FASTKD2: variants seen among roughly 807,000 people sequenced by gnomAD.
The protein encoded by FASTKD2 is FAST kinase domain-containing protein 2, mitochondrial.
Under a neutral mutation model 63.6 loss-of-function variants are expected in FASTKD2, and 51 were observed. The ratio of observed to expected loss-of-function variants is 0.80; its 90% confidence interval spans 0.64 to 1.01. The LOEUF (loss-of-function observed/expected upper bound fraction) is 1.01, where lower values mean the gene tolerates loss of function less well. Among genes scored for constraint, FASTKD2 ranks in the 50% least tolerant of loss-of-function variants. The pLI is 0.00. For missense variants in FASTKD2, 786 were observed against 831.1 expected, an observed-to-expected ratio of 0.95 and a Z score of 0.67; for synonymous variants, 284 against 293.4, an observed-to-expected ratio of 0.97 and a Z score of 0.33.
Position 206,786,877 on chromosome 2 carries a change from C to T in FASTKD2, c.1572C>T (p.Ile524=), listed in dbSNP as rs1479408918. ...TTAATCAGCTTCTGCAAAAAGACAT[C>T]ATCAGTGAGCTGCTGACATCAGGTA... is the stretch of plus-strand genomic sequence containing the variant. ...APFNQLLQKD[I]ISELLTSDDM... The change falls in exon 8 of 12, where the codon ATC becomes ATT. Residue 524 remains isoleucine, a synonymous_variant. Coordinates refer to ENST00000402774, the MANE Select transcript of FASTKD2 (RefSeq NM_001136193.2). 1 of 1,603,524 alleles carries T rather than the reference C, an allele frequency of 6.2e-7. No homozygotes were observed.
rs775077533 is a variant in FASTKD2 at position 206,767,237 on chromosome 2, A to C, written c.544A>C (p.Ser182Arg). Residue 182 changes from serine to arginine, a missense_variant, in exon 2 of 12, where the codon AGC (serine) becomes CGC (arginine). Transcript: ENST00000402774. ...TTCAAAAGCGCCCACATTTCCTAGTAGCAACTATTTCACAGCAATGTGGAC... is the reference window on the plus strand; with the variant it reads ...TTCAAAAGCGCCCACATTTCCTAGTCGCAACTATTTCACAGCAATGTGGAC... The part of the protein sequence containing the change: ...AFSKAPTFPS[S>R]NYFTAMWTIA... 6.2e-7 allele frequency: 1 copy of C among 1,614,236 alleles called. No individual in the cohort carries two copies. Among genetic ancestry groups the C allele is most frequent in the Admixed American group, 1.7e-5 (1 of 60,032 alleles).
intron 8 of FASTKD2, 69 bp from the exon 9 acceptor site, chr2:206,787,868 A>G (rs892102824): frequency 1.3e-6 from 1 of 747,126 alleles, no homozygotes; most frequent in Non-Finnish European, 2.3e-6. Flanking sequence ...TACTAAATAT[A>G]TACTAATATA....
At chr2:206,791,405 T>C in intron 11 of FASTKD2, 1 of 389,838 alleles carries the variant, frequency 2.6e-6, no homozygotes, top group Admixed American at 4.3e-5. Context: ...TTGTTTTTTA[T>C]ATTGCTGATT....
intron 9 of FASTKD2, among the ~76,000 whole-genome samples, chr2:206,788,476 G>A (rs148153931): frequency 2.0e-5 from 3 of 152,186 alleles, no homozygotes; most frequent in African/African-American, 4.8e-5. Context: ...GCACACGCCT[G>A]TAATCCTAGC....
intron 2 of FASTKD2, among the ~76,000 whole-genome samples, chr2:206,768,527 T>TC (rs1689585075): frequency 6.6e-6 from 1 of 151,972 alleles, no homozygotes; most frequent in African/African-American, 2.4e-5. Flanking sequence ...AAAGGGAGAC[T>TC]CCATCTCTAC....
At chr2:206,790,401 A>G (rs539133568) in intron 10 of FASTKD2, 171 bp from the exon 11 acceptor site, 11 of 622,012 alleles carry the variant, frequency 1.8e-5, no homozygotes, top group South Asian at 1.0e-4. Flanking sequence ...GTAGCCTTGT[A>G]TAGTGGAATA....
intron 2 of FASTKD2, among the ~76,000 whole-genome samples, chr2:206,769,427 A>C (rs567148163): frequency 2.0e-5 from 3 of 152,354 alleles, no homozygotes; most frequent in Non-Finnish European, 2.9e-5. Flanking sequence ...ATTAAACTGT[A>C]GAGTACTGCT....
Position 206,772,408 on chromosome 2 carries a change from A to G in FASTKD2, c.1254+88A>G, listed in dbSNP as rs183286012. On this transcript the variant is annotated intron_variant, in intron 6 of 11. Transcript: ENST00000402774. Reference sequence around the variant, plus strand: ...TTTTAAGTATTTCTCTTTCACCTTTATAGTAGTTAAGATACCAAAATATTC... The same window carrying G: ...TTTTAAGTATTTCTCTTTCACCTTTGTAGTAGTTAAGATACCAAAATATTC... 36 of 1,322,916 alleles carry G rather than the reference A, an allele frequency of 2.7e-5. 1 individual carries two copies. The African/African-American group carries it at 2.8e-4, about 10-fold the overall frequency. 81.9% of individuals were successfully genotyped at this position (1,322,916 alleles called of 1,614,324 possible).
In FASTKD2 at chr2:206,794,937, T is replaced by C. The variant is rs979062090; in HGVS notation, c.*3135T>C. The stretch of plus-strand genomic sequence containing the variant: ...GGAACTACCTATGAGGAGCTGGCAT[T>C]CCTCAAATCCCAACTGACTGCACTT... On this transcript the variant is annotated 3_prime_UTR_variant, in exon 12 of 12. Coordinates refer to ENST00000402774, the MANE Select transcript of FASTKD2 (RefSeq NM_001136193.2). Among the ~76,000 whole-genome samples the C allele has an allele frequency of 1.3e-5, 2 of 152,330 alleles. No individual in the cohort carries two copies. Among genetic ancestry groups the C allele is most frequent in the Non-Finnish European group, 2.9e-5 (2 of 68,034 alleles).
At chr2:206,791,549 T>C (rs989657158) in intron 11 of FASTKD2, 134 bp from the exon 12 acceptor site, 21 of 755,526 alleles carry the variant, frequency 2.8e-5, no homozygotes, top group South Asian at 2.1e-4. Flanking sequence ...CTTTAAAATA[T>C]GAGTAGTTAT....
At position 206,768,104 on chromosome 2, in the gene FASTKD2, A is replaced by G. The variant is rs146423068; in HGVS notation, c.777+634A>G. ...CAGAAAAATAGGAACCAAATCATAA[A>G]GAGCCTCTTACGGCTAGCTAAGGAG... On this transcript the variant is annotated intron_variant, in intron 2 of 11. Coordinates refer to ENST00000402774, the MANE Select transcript of FASTKD2 (RefSeq NM_001136193.2). Among the ~76,000 whole-genome samples the G allele has an allele frequency of 2.4e-3, 365 of 152,332 alleles. 2 individuals carry two copies. The highest frequency in any genetic ancestry group is 8.3e-3 in the African/African-American group (345 of 41,576).
intron 6 of FASTKD2, 75 bp downstream of exon 6, chr2:206,772,395 C>T (rs1234398354): frequency 4.3e-6 from 6 of 1,407,888 alleles, no homozygotes; most frequent in Non-Finnish European, 6.0e-6. Context: ...TTAAGTATTT[C>T]TCTTTCACCT....
intron 10 of FASTKD2, 188 bp from the exon 11 acceptor site, chr2:206,790,384 T>G (rs552852022): frequency 1.8e-6 from 1 of 560,368 alleles, no homozygotes; most frequent in African/African-American, 1.9e-5. Flanking sequence ...TATTTTTGAT[T>G]TATAAAGTAG....
At chr2:206,788,709 A>C in intron 9 of FASTKD2, 110 bp from the exon 10 acceptor site, 1 of 651,736 alleles carries the variant, frequency 1.5e-6, no homozygotes, top group Non-Finnish European at 2.7e-6. Context: ...TCCAGCCTGG[A>C]TGACAGAGCG....
intron 6 of FASTKD2, among the ~76,000 whole-genome samples, 178 bp from the exon 7 acceptor site, chr2:206,774,047 A>G (rs889067558): frequency 6.6e-6 from 1 of 152,142 alleles, no homozygotes; most frequent in Non-Finnish European, 1.5e-5. Flanking sequence ...TCAAGAATTA[A>G]TAGAACAGAT....
rs140204981 is a variant in FASTKD2 at position 206,780,101 on chromosome 2, C to G, written c.1427+5704C>G. Among the ~76,000 whole-genome samples, 611 of 151,598 alleles carry G rather than the reference C, an allele frequency of 4.0e-3. 4 individuals are homozygous for G. Among genetic ancestry groups the G allele is most frequent in the African/African-American group, 0.014 (594 of 41,466 alleles). ...ATCCATTAGCAAATTTTTATAGTTA[C>G]AGTTATTCTTGATAGTTTTTTTAAC... On this transcript the variant is annotated intron_variant, in intron 7 of 11. Transcript: ENST00000402774.
intron 7 of FASTKD2, among the ~76,000 whole-genome samples, chr2:206,779,233 GT>G (rs1308622160): frequency 3.3e-5 from 5 of 152,106 alleles, no homozygotes; most frequent in Admixed American, 1.3e-4. Flanking sequence ...TGCATGGAAT[GT>G]CTTTATCCGT....
intron 7 of FASTKD2, among the ~76,000 whole-genome samples, chr2:206,780,246 GT>G: frequency 6.6e-6 from 1 of 152,204 alleles, no homozygotes; most frequent in South Asian, 2.1e-4. Context: ...GATGTTTTGT[GT>G]TTTTTCATTT....
At chr2:206,786,253 CT>C (rs1690136065) in intron 7 of FASTKD2, among the ~76,000 whole-genome samples, 1 of 152,138 alleles carries the variant, frequency 6.6e-6, no homozygotes, top group Admixed American at 6.5e-5. Context: ...TAGGATTAGG[CT>C]TGCAGTTCTT....
Sources: gnomAD v4.1 joint callset for allele counts (sites outside exome capture counted in the v4.1 genomes callset) on GRCh38, gnomAD v4.1.1 for gene constraint, MANE v1.5 for transcripts, NCBI Gene and HGNC (gene_info 2026-07-23, HGNC 2026-07-21) for gene names.